The following RGS20 variants were observed in gnomAD, a reference collection of about 807,000 sequenced individuals.
The protein encoded by RGS20 is regulator of G protein signaling 20.
A neutral mutation model predicts 33.6 loss-of-function variants in RGS20; 30 were observed. The ratio of observed to expected loss-of-function variants is 0.89; its 90% CI spans 0.67 to 1.21. The LOEUF (loss-of-function observed/expected upper bound fraction) is 1.21, where lower values mean the gene tolerates loss of function less well. Ranked by LOEUF, RGS20 falls within the 50% of genes most tolerant of loss-of-function variation. The probability of loss-of-function intolerance (pLI) is 0.00; values close to 1 mark genes in which losing one functional copy is unlikely to be tolerated. For synonymous variants in RGS20, 208 were observed against 197.9 expected (o/e 1.05, Z -0.43); for missense variants, 472 against 502.4 (o/e 0.94, Z 0.58).
At chr8:53,956,236 T>G (rs1476552526) in intron 5 of RGS20, among the ~76,000 whole-genome samples, 1 of 152,058 alleles carries the variant, frequency 6.6e-6, no homozygotes, top group African/African-American at 2.4e-5. Flanking sequence ...ATACACAGAT[T>G]GTGCCAGAAA....
chr8:53,924,679 GTCC>G, intron 2 of RGS20, among the ~76,000 whole-genome samples: 1 of 152,112 alleles, frequency 6.6e-6, no homozygotes, highest in Non-Finnish European at 1.5e-5. Flanking sequence ...TCTTTTTTCT[GTCC>G]TCCTTAGTTT....
At chr8:53,944,402 G>A (rs1814401934) in intron 3 of RGS20, among the ~76,000 whole-genome samples, 1 of 152,074 alleles carries the variant, frequency 6.6e-6, no homozygotes, top group Non-Finnish European at 1.5e-5. Context: ...GCTGGGTGTG[G>A]TGGTGCGCGC....
At chr8:53,888,346 T>C (rs1288744115) in intron 2 of RGS20, among the ~76,000 whole-genome samples, 1 of 152,248 alleles carries the variant, frequency 6.6e-6, no homozygotes, top group Non-Finnish European at 1.5e-5. Flanking sequence ...TGACAGCTTT[T>C]AACTTCATTT....
intron 1 of RGS20, among the ~76,000 whole-genome samples, chr8:53,872,445 A>G (rs373178690): frequency 6.6e-6 from 1 of 152,280 alleles, no homozygotes; most frequent in African/African-American, 2.4e-5. Flanking sequence ...ATACCCTCCC[A>G]TTCACCACAC....
At chr8:53,906,651 A>G (rs1813188761) in intron 2 of RGS20, among the ~76,000 whole-genome samples, 1 of 152,234 alleles carries the variant, frequency 6.6e-6, no homozygotes, top group African/African-American at 2.4e-5. Context: ...GCTGCAGTAC[A>G]GGAGGATATT....
intron 1 of RGS20, among the ~76,000 whole-genome samples, chr8:53,858,684 T>G (rs1013297316): frequency 6.6e-6 from 1 of 151,904 alleles, no homozygotes; most frequent in African/African-American, 2.4e-5. Flanking sequence ...CGATGGCACA[T>G]GATACTGATT....
At chr8:53,948,027 AT>A (rs1218419742) in intron 4 of RGS20, among the ~76,000 whole-genome samples, 4 of 135,854 alleles carry the variant, frequency 2.9e-5, no homozygotes, top group Non-Finnish European at 4.6e-5. Context: ...TATATATACT[AT>A]ATATAAGTAT....
At chr8:53,942,330 C>T (rs1814323228) in intron 3 of RGS20, among the ~76,000 whole-genome samples, 1 of 151,400 alleles carries the variant, frequency 6.6e-6, no homozygotes, top group Non-Finnish European at 1.5e-5. Context: ...TGGTGGCGCA[C>T]ACCTGTAGTC....
intron 2 of RGS20, among the ~76,000 whole-genome samples, chr8:53,914,502 C>T (rs1473426091): frequency 2.0e-5 from 3 of 152,166 alleles, no homozygotes; most frequent in Admixed American, 2.0e-4. Flanking sequence ...CATTCTTGTG[C>T]ACTAGATAAT....
At chr8:53,953,965 T>C (rs546072154) in intron 4 of RGS20, 111 bp from the exon 4 acceptor site, 6 of 802,144 alleles carry the variant, frequency 7.5e-6, no homozygotes, top group Non-Finnish European at 1.3e-5. Flanking sequence ...AGGGCCTAAA[T>C]GCATATATTT....
intron 2 of RGS20, among the ~76,000 whole-genome samples, chr8:53,908,265 T>C (rs143763561): frequency 5.9e-5 from 9 of 152,228 alleles, no homozygotes; most frequent in South Asian, 2.1e-4. Flanking sequence ...TCATGAAAGT[T>C]AGAAGCAATA....
chr8:53,907,571 C>A (rs1429943685), intron 2 of RGS20, among the ~76,000 whole-genome samples: 1 of 150,214 alleles, frequency 6.7e-6, no homozygotes, highest in Non-Finnish European at 1.5e-5. Context: ...GGTGACAGAG[C>A]AAGACTCCAT....
intron 3 of RGS20, 50 bp from the exon 3 acceptor site, chr8:53,946,615 T>G (rs1454510730): frequency 4.9e-6 from 7 of 1,440,768 alleles, no homozygotes; most frequent in Non-Finnish European, 6.8e-6. Context: ...TAAAAAATCT[T>G]TTCTTGGCAG....
At chr8:53,865,100 G>A (rs924805089) in intron 1 of RGS20, among the ~76,000 whole-genome samples, 1 of 152,236 alleles carries the variant, frequency 6.6e-6, no homozygotes, top group Non-Finnish European at 1.5e-5. Context: ...GGAACCACTG[G>A]AAAAGCTATA....
chr8:53,954,556 T>A (rs1237923615), intron 5 of RGS20, among the ~76,000 whole-genome samples: 2 of 151,582 alleles, frequency 1.3e-5, no homozygotes, highest in Admixed American at 6.6e-5. Flanking sequence ...CCCAGCTACT[T>A]GGGAGGCTGA....
In RGS20 at chr8:53,852,068, A is replaced by G; in HGVS notation, c.165+4A>G. The G allele has an allele frequency of 1.2e-6, 2 of 1,606,748 alleles. No individual in the cohort carries two copies. Among genetic ancestry groups the G allele is most frequent in the Non-Finnish European group, 1.7e-6 (2 of 1,175,524 alleles). On this transcript the variant is annotated splice_donor_region_variant and intron_variant, in intron 1 of 5. Coordinates refer to ENST00000297313, the MANE Select transcript of RGS20 (RefSeq NM_170587.4). ...CAGGGCTGTTCCTGATATCAAGGTA[A>G]GGTGATTTCCACAATCCATGATCCT...
chr8:53,924,284 G>A (rs1239849202), intron 2 of RGS20, among the ~76,000 whole-genome samples: 1 of 151,874 alleles, frequency 6.6e-6, no homozygotes, highest in Non-Finnish European at 1.5e-5. Context: ...CCGCCTCCCG[G>A]GTTCAAGAGA....
Position 53,932,363 on chromosome 8 carries a change from C to G in RGS20, c.511-7213C>G, listed in dbSNP as rs527988094. Among the ~76,000 whole-genome samples, 3 of 152,310 alleles carry G rather than the reference C, an allele frequency of 2.0e-5. No homozygotes were observed. In the South Asian group the frequency reaches 6.2e-4, roughly 32 times the overall value. On this transcript the variant is annotated intron_variant, in intron 2 of 5. Transcript: ENST00000297313. ...TCCCACCCCCACGGAACCCAGCAAG[C>G]TAAGATCCAATGGCTTGAAATCCTT...
At chr8:53,921,815 C>T (rs546552019) in intron 2 of RGS20, among the ~76,000 whole-genome samples, 113 of 152,052 alleles carry the variant, frequency 7.4e-4, no homozygotes, top group South Asian at 2.7e-3. Context: ...TGAATTTTCT[C>T]TTTTGTATTT....
Sources: gnomAD v4.1 joint callset for allele counts (sites outside exome capture counted in the v4.1 genomes callset) on GRCh38, gnomAD v4.1.1 for gene constraint, MANE v1.5 for transcripts, NCBI Gene and HGNC (gene_info 2026-07-23, HGNC 2026-07-21) for gene names.